The following IP6K1 variants were observed in gnomAD, a reference collection of about 807,000 sequenced individuals.
IP6K1 encodes ATP:1D-myo-inositol-hexakisphosphate phosphotransferase.
A neutral mutation model predicts 38.3 loss-of-function variants in IP6K1; 13 were observed. That is an observed-to-expected ratio of 0.34 (90% confidence interval 0.22 to 0.54). The LOEUF is 0.54. IP6K1 is among the 20% of genes least tolerant of loss of function. IP6K1 has a pLI of 0.92. For missense variants in IP6K1, 397 were observed against 599.8 expected (o/e 0.66, Z 3.53); for synonymous variants, 212 against 229.9 (o/e 0.92, Z 0.70).
chr3:49,763,852 C>T (rs2080886640), intron 1 of IP6K1, among the ~76,000 whole-genome samples: 1 of 151,842 alleles, frequency 6.6e-6, no homozygotes, highest in Non-Finnish European at 1.5e-5. Context: ...CCCGTCTCTA[C>T]TAAAAATAAA....
intron 2 of IP6K1, among the ~76,000 whole-genome samples, chr3:49,739,669 ATTCTTC>A (rs983779071): frequency 6.6e-6 from 1 of 151,594 alleles, no homozygotes; most frequent in African/African-American, 2.4e-5. Flanking sequence ...TCTTTATAAT[ATTCTTC>A]TTCTTCTTAA....
At chr3:49,737,071 CTT>C (rs527723899) in intron 3 of IP6K1, among the ~76,000 whole-genome samples, 54 of 113,010 alleles carry the variant, frequency 4.8e-4, no homozygotes, top group East Asian at 7.4e-4. Flanking sequence ...CAAGCCTGGC[CTT>C]TTTTTTTTTT....
chr3:49,747,060 A>AT (rs992774063), intron 2 of IP6K1, among the ~76,000 whole-genome samples: 1 of 152,154 alleles, frequency 6.6e-6, no homozygotes, highest in Non-Finnish European at 1.5e-5. Flanking sequence ...TTTTACCAAA[A>AT]TTTTTTTTAA....
At chr3:49,772,332 G>A (rs1426608471) in intron 1 of IP6K1, among the ~76,000 whole-genome samples, 2 of 144,888 alleles carry the variant, frequency 1.4e-5, no homozygotes, top group Admixed American at 7.0e-5. Flanking sequence ...ATAATATATA[G>A]GAAGACTATA....
chr3:49,771,236 A>C, intron 1 of IP6K1, among the ~76,000 whole-genome samples: 1 of 150,246 alleles, frequency 6.7e-6, no homozygotes, highest in Non-Finnish European at 1.5e-5. Context: ...AGTGGTGAAC[A>C]CCTATAGTCC....
At chr3:49,766,218 C>T (rs892497287) in intron 1 of IP6K1, among the ~76,000 whole-genome samples, 4 of 151,628 alleles carry the variant, frequency 2.6e-5, no homozygotes, top group African/African-American at 9.7e-5. Flanking sequence ...CACAAAAATT[C>T]GCTGGGTGTG....
At chr3:49,738,576 A>G (rs1347261660) in intron 2 of IP6K1, among the ~76,000 whole-genome samples, 154 bp from the exon 3 acceptor site, 1 of 152,208 alleles carries the variant, frequency 6.6e-6, no homozygotes, top group Non-Finnish European at 1.5e-5. Context: ...AGCAGACAGT[A>G]ACTTCCAGAA....
At chr3:49,745,479 T>C (rs2080712374) in intron 2 of IP6K1, among the ~76,000 whole-genome samples, 3 of 152,158 alleles carry the variant, frequency 2.0e-5, no homozygotes, top group African/African-American at 7.2e-5. Context: ...TCCCAACACT[T>C]TGGGAGGCCA....
At chr3:49,775,674 C>A in intron 1 of IP6K1, 2 of 507,960 alleles carry the variant, frequency 3.9e-6, no homozygotes, top group South Asian at 4.3e-5. Context: ...AGAAAAGATG[C>A]CTGCTACTCC....
At chr3:49,771,732 A>G (rs1259378692) in intron 1 of IP6K1, among the ~76,000 whole-genome samples, 1 of 152,200 alleles carries the variant, frequency 6.6e-6, no homozygotes, top group Non-Finnish European at 1.5e-5. Flanking sequence ...CCACACAAAA[A>G]ACCTTTGCAA....
At chr3:49,775,650 C>T in intron 1 of IP6K1, 1 of 676,562 alleles carries the variant, frequency 1.5e-6, no homozygotes, top group East Asian at 3.7e-5. Flanking sequence ...CAACATCAAG[C>T]TGCTGCAGCG....
chr3:49,778,123 A>T (rs1391250070), intron 1 of IP6K1, among the ~76,000 whole-genome samples: 1 of 151,224 alleles, frequency 6.6e-6, no homozygotes, highest in Non-Finnish European at 1.5e-5. Flanking sequence ...CAGGAGATCG[A>T]GACCATCCTG....
chr3:49,727,397 C>G lies in IP6K1; in HGVS notation c.1051G>C (p.Asp351His). Residue 351 changes from aspartate to histidine, a missense_variant, in exon 6 of 6, where the codon GAC becomes CAC. Physicochemically the swap from Asp to His is moderately conservative, Grantham distance 81 (BLOSUM62 -1). Transcript: ENST00000321599. The surrounding 1 kb of genome is among the most constrained non-coding windows in gnomAD (Gnocchi z 5.9). ...TTGAGACGCATCTCAGACCGGCGGT[C>G]CAGGCAGGACTCAGCCCGGCACTCC... ...GKECRAESCLDRRSEMRLKHL... is the reference protein window; with the variant it reads ...GKECRAESCLHRRSEMRLKHL... 1 of 1,614,048 alleles carries G rather than the reference C, an allele frequency of 6.2e-7. No individual in the cohort carries two copies. The highest frequency in any genetic ancestry group is 8.5e-7 in the Non-Finnish European group (1 of 1,180,024).
chr3:49,758,182 C>T (rs1189885225), intron 1 of IP6K1, among the ~76,000 whole-genome samples: 2 of 151,728 alleles, frequency 1.3e-5, no homozygotes, highest in Non-Finnish European at 2.9e-5. Flanking sequence ...TGGTGGCGGG[C>T]GCCTGTAGTC....
chr3:49,773,107 G>A (rs1387008580), intron 1 of IP6K1, among the ~76,000 whole-genome samples: 2 of 152,158 alleles, frequency 1.3e-5, no homozygotes, highest in African/African-American at 4.8e-5. Context: ...TTACAGGCAT[G>A]AGCCATTGCA....
chr3:49,759,658 TAG>T (rs1338912536), intron 1 of IP6K1, among the ~76,000 whole-genome samples: 1 of 152,176 alleles, frequency 6.6e-6, no homozygotes, highest in Non-Finnish European at 1.5e-5. Context: ...AAGATTTTAT[TAG>T]AGTCTTAGAC....
chr3:49,749,869 G>A (rs1339563468), intron 1 of IP6K1, among the ~76,000 whole-genome samples: 1 of 134,086 alleles, frequency 7.5e-6, no homozygotes, highest in Non-Finnish European at 1.5e-5. Context: ...CCTGAATGAA[G>A]TCTAGGAATA....
At chr3:49,771,841 C>T (rs2108258531) in intron 1 of IP6K1, among the ~76,000 whole-genome samples, 1 of 152,200 alleles carries the variant, frequency 6.6e-6, no homozygotes, top group Admixed American at 6.5e-5. Flanking sequence ...CAATGAAATA[C>T]TATATAGCAA....
intron 3 of IP6K1, among the ~76,000 whole-genome samples, chr3:49,737,707 C>T (rs559557840): frequency 2.0e-4 from 30 of 152,256 alleles, no homozygotes; most frequent in Middle Eastern, 3.4e-3. Context: ...ATAATTTGAA[C>T]TTACAAGAAA....
Sources: gnomAD v4.1 joint callset for allele counts (sites outside exome capture counted in the v4.1 genomes callset) on GRCh38, gnomAD v4.1.1 for gene constraint, Gnocchi (gnomAD v3.1) non-coding constraint, MANE v1.5 for transcripts, NCBI Gene and HGNC (gene_info 2026-07-23, HGNC 2026-07-21) for gene names.